Variants in MYT1L observed in about 807,000 individuals in gnomAD.
MYT1L encodes the protein myelin transcription factor 1-like protein.
Under a neutral mutation model 126.7 loss-of-function variants are expected in MYT1L, and 12 were observed. The observed-to-expected ratio is 0.09, with a 90% CI of 0.06 to 0.15. The LOEUF (loss-of-function observed/expected upper bound fraction) is 0.15, where lower values mean the gene tolerates loss of function less well. Among genes scored for constraint, MYT1L ranks in the 10% least tolerant of loss-of-function variants. MYT1L has a pLI of 1.00. For missense variants in MYT1L, 979 were observed against 1,585.2 expected (o/e 0.62, Z 6.49); for synonymous variants, 541 against 604.2 (o/e 0.90, Z 1.53).
chr2:2,319,968 G>C (rs2096132834), intron 1 of MYT1L, among the ~76,000 whole-genome samples: 1 of 152,116 alleles, frequency 6.6e-6, no homozygotes, highest in Non-Finnish European at 1.5e-5. Context: ...TTTCTCTTCA[G>C]CATTGACTTT....
chr2:2,019,514 G>C (rs968037211), intron 4 of MYT1L, among the ~76,000 whole-genome samples: 1 of 152,216 alleles, frequency 6.6e-6, no homozygotes, highest in African/African-American at 2.4e-5. Context: ...CAAGCCCAGA[G>C]GCCCTAACCC....
At position 1,912,917 on chromosome 2, in the gene MYT1L, G is replaced by C. The variant is rs2052265170; in HGVS notation, c.1619-807C>G. Among the ~76,000 whole-genome samples, 1 of 152,100 alleles carries C rather than the reference G, an allele frequency of 6.6e-6. No homozygotes were observed. Among genetic ancestry groups the C allele is most frequent in the Non-Finnish European group, 1.5e-5 (1 of 68,024 alleles). On this transcript the variant is annotated intron_variant, in intron 11 of 24. Transcript: ENST00000647738. The surrounding 1 kb of genome is among the most constrained non-coding windows in gnomAD (Gnocchi z 4.3). ...TGAACGCTCTACTACTCTGGGTTCT[G>C]GGGGAAGGTTAGCAGGGACGAAGGG...
intron 3 of MYT1L, among the ~76,000 whole-genome samples, chr2:2,149,195 A>T (rs180689530): frequency 1.0e-3 from 154 of 152,286 alleles, no homozygotes; most frequent in Non-Finnish European, 1.6e-3. Flanking sequence ...AAGTTCAATA[A>T]CATATAAAAA....
chr2:1,866,016 G>C lies in MYT1L; in HGVS notation c.2712-14313C>G, dbSNP rs35648888. 4.8e-3 allele frequency among the ~76,000 whole-genome samples: 738 copies of C among 152,302 alleles called. 3 individuals are homozygous for C. The highest frequency in any genetic ancestry group is 8.5e-3 in the Non-Finnish European group (580 of 68,028). ...CAGAGGCACTGGGTTTAGCCTCCGA[G>C]CTACAGTGTCCAAGGGCTGTCTGTG... On this transcript the variant is annotated intron_variant, in intron 18 of 24. Transcript: ENST00000647738.
intron 3 of MYT1L, among the ~76,000 whole-genome samples, chr2:2,114,566 A>G (rs1375279946): frequency 1.3e-5 from 2 of 152,232 alleles, no homozygotes; most frequent in African/African-American, 2.4e-5. Context: ...TTGACTTTTC[A>G]GGTGTTTAAT....
chr2:2,170,753 A>C (rs1266720638), intron 3 of MYT1L, among the ~76,000 whole-genome samples: 5 of 152,026 alleles, frequency 3.3e-5, no homozygotes, highest in Admixed American at 2.6e-4. Flanking sequence ...GTCAAACACT[A>C]ATCTTTAAAA....
intron 8 of MYT1L, among the ~76,000 whole-genome samples, chr2:1,963,543 A>T (rs2059125127): frequency 6.6e-6 from 1 of 152,228 alleles, no homozygotes; most frequent in Non-Finnish European, 1.5e-5. Context: ...TTCTTCCAAT[A>T]GAAGGCTGTT....
Position 2,293,759 on chromosome 2 carries a change from G to A in MYT1L, c.-520-9256C>T, listed in dbSNP as rs554119676. Among the ~76,000 whole-genome samples the A allele has an allele frequency of 6.3e-3, 958 of 152,216 alleles. 7 individuals carry two copies. The highest frequency in any genetic ancestry group is 0.01 in the Non-Finnish European group (688 of 68,002). On this transcript the variant is annotated intron_variant, in intron 1 of 24. Coordinates refer to ENST00000647738, the MANE Select transcript of MYT1L (RefSeq NM_001303052.2). The stretch of plus-strand genomic sequence containing the variant: ...GACACCAACCCCCAGGTGCAAGACC[G>A]GCCCCCTCCCTCCTCCCGGCTCCTC...
chr2:2,163,110 A>G lies in MYT1L; in HGVS notation c.-304+9762T>C, dbSNP rs542357521. Among the ~76,000 whole-genome samples, 118 of 152,226 alleles carry G rather than the reference A, an allele frequency of 7.8e-4. 1 individual carries two copies. Among genetic ancestry groups the G allele is most frequent in the Non-Finnish European group, 1.3e-3 (88 of 68,018 alleles). On this transcript the variant is annotated intron_variant, in intron 3 of 24. Transcript: ENST00000647738. ...CTGCAGAATAAACTCCACCTAGTAC[A>G]CCTGCTTCTGAAACTACCAGCAGGA...
intron 3 of MYT1L, among the ~76,000 whole-genome samples, chr2:2,150,787 G>C (rs914497787): frequency 3.3e-5 from 5 of 151,416 alleles, no homozygotes; most frequent in South Asian, 2.1e-4. Flanking sequence ...GAAGAAAGTA[G>C]GGGAGGAAAG....
chr2:2,219,457 G>A (rs766378367), intron 2 of MYT1L, among the ~76,000 whole-genome samples: 15 of 152,162 alleles, frequency 9.9e-5, no homozygotes, highest in African/African-American at 2.4e-4. Context: ...ATTCAAAGAC[G>A]TGTACTAACA....
At chr2:2,120,160 C>T (rs902340542) in intron 3 of MYT1L, among the ~76,000 whole-genome samples, 2 of 152,106 alleles carry the variant, frequency 1.3e-5, no homozygotes, top group Non-Finnish European at 2.9e-5. Context: ...TAGTGTTAAT[C>T]GTCAAATTAG....
At chr2:2,142,792 T>C (rs911695705) in intron 3 of MYT1L, among the ~76,000 whole-genome samples, 1 of 151,868 alleles carries the variant, frequency 6.6e-6, no homozygotes, top group Admixed American at 6.6e-5. Flanking sequence ...GTTCAAGTGA[T>C]TCTCCTGCCT....
At chr2:2,295,248 C>T (rs1263771378) in intron 1 of MYT1L, among the ~76,000 whole-genome samples, 5 of 152,218 alleles carry the variant, frequency 3.3e-5, no homozygotes, top group South Asian at 4.1e-4. Flanking sequence ...TGAGGAAGGG[C>T]GTTCCAGGCA....
In MYT1L at chr2:1,910,126, C is replaced by T; in HGVS notation, c.1817+114G>A. 12 of 969,430 alleles carry T rather than the reference C, an allele frequency of 1.2e-5. No homozygotes were observed. The highest frequency in any genetic ancestry group is 1.9e-5 in the Non-Finnish European group (12 of 643,790). The allele number at this position is 969,430 out of a possible 1,614,324, so 60.1% of individuals were successfully genotyped here. A position where few individuals can be genotyped will look rare whatever the true frequency, so the allele number is the denominator to read the frequency against. Reference sequence around the variant, plus strand: ...CCGGCTTCCAGCACAGCCCCGCCCTCCAGTCCCTGCCCCTGCTGCTGTAGG... The same window carrying T: ...CCGGCTTCCAGCACAGCCCCGCCCTTCAGTCCCTGCCCCTGCTGCTGTAGG... On this transcript the variant is annotated intron_variant, in intron 13 of 24. Coordinates refer to ENST00000647738, the MANE Select transcript of MYT1L (RefSeq NM_001303052.2). The surrounding 1 kb of genome is among the most constrained non-coding windows in gnomAD (Gnocchi z 4.8).
At chr2:1,994,959 C>T (rs1014750679) in intron 5 of MYT1L, among the ~76,000 whole-genome samples, 2 of 151,910 alleles carry the variant, frequency 1.3e-5, no homozygotes, top group Non-Finnish European at 2.9e-5. Context: ...CTTAGAGAAA[C>T]CTGTGTCTAC....
chr2:1,817,264 C>T (rs141127222), intron 21 of MYT1L, among the ~76,000 whole-genome samples: 3 of 152,200 alleles, frequency 2.0e-5, no homozygotes, highest in African/African-American at 7.2e-5. Context: ...AGAGGACCGA[C>T]GGCTCCAGGA....
At chr2:2,300,900 T>C (rs1042898569) in intron 1 of MYT1L, among the ~76,000 whole-genome samples, 1 of 152,178 alleles carries the variant, frequency 6.6e-6, no homozygotes, top group Non-Finnish European at 1.5e-5. Context: ...TAAGTCCTGA[T>C]TTTTGCTGTG....
At position 1,792,274 on chromosome 2, in the gene MYT1L, C is replaced by T. The variant is rs761976331; in HGVS notation, c.3420+47G>A. ...AAAACGGCATCTACTTTAGGCTGTGCGCTGTGGAGGACTCCACATTCCTGC... is the reference window on the plus strand; with the variant it reads ...AAAACGGCATCTACTTTAGGCTGTGTGCTGTGGAGGACTCCACATTCCTGC... On this transcript the variant is annotated intron_variant, in intron 24 of 24. Coordinates refer to ENST00000647738, the MANE Select transcript of MYT1L (RefSeq NM_001303052.2). 52 of 1,549,746 alleles carry T rather than the reference C, an allele frequency of 3.4e-5. No homozygotes were observed. In the South Asian group the frequency reaches 4.7e-4, roughly 14 times the overall value.
Sources: allele counts gnomAD v4.1 joint callset (sites outside exome capture counted in the v4.1 genomes callset), GRCh38; gene constraint gnomAD v4.1.1; non-coding constraint Gnocchi (gnomAD v3.1); transcripts MANE v1.5; gene names NCBI Gene and HGNC (gene_info 2026-07-23, HGNC 2026-07-21).